TMTC1: variants seen among roughly 807,000 people sequenced by gnomAD.
TMTC1 encodes protein O-mannosyl-transferase TMTC1.
In TMTC1, 73 loss-of-function variants were observed where a neutral mutation model predicts 104.8. That is an observed-to-expected ratio of 0.70 (90% CI 0.58 to 0.85). The LOEUF (loss-of-function observed/expected upper bound fraction) is 0.85. TMTC1 is among the 40% of genes least tolerant of loss of function. The pLI is 0.00. For missense variants in TMTC1, 1,035 were observed against 1,096.1 expected (o/e 0.94, Z 0.79); for synonymous variants, 434 against 428.7 (o/e 1.01, Z -0.15).
At chr12:29,649,962 C>A (rs1939438890) in intron 5 of TMTC1, among the ~76,000 whole-genome samples, 1 of 152,162 alleles carries the variant, frequency 6.6e-6, no homozygotes, top group African/African-American at 2.4e-5. Context: ...CTAGTAAGAT[C>A]ATAAGATAAT....
intron 13 of TMTC1, among the ~76,000 whole-genome samples, chr12:29,518,086 T>C (rs577583774): frequency 1.3e-5 from 2 of 152,354 alleles, no homozygotes; most frequent in East Asian, 3.9e-4. Context: ...GACCTATCAA[T>C]ATGGAAACTG....
intron 6 of TMTC1, among the ~76,000 whole-genome samples, chr12:29,628,394 A>C (rs1938117280): frequency 6.6e-6 from 1 of 152,226 alleles, no homozygotes; most frequent in South Asian, 2.1e-4. Flanking sequence ...CCTGTAAACA[A>C]AAAATAAAAC....
chr12:29,591,149 A>T (rs1243540395), intron 7 of TMTC1, among the ~76,000 whole-genome samples: 1 of 152,228 alleles, frequency 6.6e-6, no homozygotes, highest in African/African-American at 2.4e-5. Flanking sequence ...CTTAGAGAGT[A>T]TCACATTCTT....
chr12:29,513,669 A>G (rs936751228), intron 16 of TMTC1, among the ~76,000 whole-genome samples: 1 of 152,240 alleles, frequency 6.6e-6, no homozygotes, highest in Non-Finnish European at 1.5e-5. Flanking sequence ...ATATAAGGAG[A>G]AAGTATGTAA....
intron 5 of TMTC1, among the ~76,000 whole-genome samples, chr12:29,637,681 A>G (rs998075830): frequency 6.6e-6 from 1 of 152,228 alleles, no homozygotes; most frequent in Non-Finnish European, 1.5e-5. Context: ...GAAAAAAATC[A>G]AAGTGTTTTA....
intron 7 of TMTC1, among the ~76,000 whole-genome samples, chr12:29,601,882 C>G (rs979515004): frequency 4.1e-5 from 6 of 147,502 alleles, no homozygotes; most frequent in Non-Finnish European, 8.9e-5. Context: ...GTCTCCCAGG[C>G]TGGAGTGCAG....
intron 6 of TMTC1, among the ~76,000 whole-genome samples, chr12:29,621,492 C>T (rs1341229298): frequency 6.6e-6 from 1 of 152,208 alleles, no homozygotes; most frequent in African/African-American, 2.4e-5. Context: ...TAAATATTTA[C>T]TACCTTGTTC....
intron 5 of TMTC1, among the ~76,000 whole-genome samples, chr12:29,686,711 C>T (rs976914427): frequency 6.6e-6 from 1 of 152,230 alleles, no homozygotes; most frequent in African/African-American, 2.4e-5. Flanking sequence ...TTTCAACTCA[C>T]CACTATCTTT....
chr12:29,561,288 C>A (rs910728492), intron 9 of TMTC1, among the ~76,000 whole-genome samples: 1 of 151,934 alleles, frequency 6.6e-6, no homozygotes, highest in African/African-American at 2.4e-5. Flanking sequence ...CGTCATTCAA[C>A]GTTCAGCAAA....
In TMTC1 at chr12:29,586,907, G is replaced by T. The variant is rs555466272; in HGVS notation, c.1251-3333C>A. On this transcript the variant is annotated intron_variant, in intron 7 of 17. Transcript: ENST00000539277. ...TGGTCTAAAATTCTCTTTTTTTGTT[G>T]TGTCTCTGCCAGGCTTTGGTATCAG... 1.8e-4 allele frequency among the ~76,000 whole-genome samples: 27 copies of T among 151,970 alleles called. No homozygotes were observed. In the South Asian group the frequency reaches 5.6e-3, roughly 32 times the overall value.
At chr12:29,684,420 C>A (rs1050991839) in intron 5 of TMTC1, among the ~76,000 whole-genome samples, 1 of 152,114 alleles carries the variant, frequency 6.6e-6, no homozygotes, top group African/African-American at 2.4e-5. Context: ...TGACTATATA[C>A]ATCACATTTG....
intron 7 of TMTC1, among the ~76,000 whole-genome samples, chr12:29,584,671 T>C (rs1307535482): frequency 1.3e-5 from 2 of 151,948 alleles, no homozygotes; most frequent in African/African-American, 4.8e-5. Context: ...TTCCCAGCTA[T>C]GAGTGAGAAC....
intron 1 of TMTC1, among the ~76,000 whole-genome samples, chr12:29,770,023 T>C (rs762210095): frequency 6.6e-6 from 1 of 151,894 alleles, no homozygotes; most frequent in Non-Finnish European, 1.5e-5. Context: ...ATGGTAAAAA[T>C]GGCAATAGTG....
At position 29,517,419 on chromosome 12, in the gene TMTC1, C is replaced by G. The variant is rs755720179; in HGVS notation, c.2169+8G>C. The G allele has an allele frequency of 6.2e-7, 1 of 1,613,932 alleles. No homozygotes were observed. The highest frequency in any genetic ancestry group is 2.2e-5 in the East Asian group (1 of 44,866). ...GTTGCCAGCTTCATTTTCTTTCATC[C>G]TACTCACCAGTGCCAAGCGGAGCTC... On this transcript the variant is annotated splice_region_variant and intron_variant, in intron 14 of 17. Coordinates refer to ENST00000539277, the MANE Select transcript of TMTC1 (RefSeq NM_001193451.2).
chr12:29,583,940 C>G (rs2162032), intron 7 of TMTC1, among the ~76,000 whole-genome samples: 4,164 of 152,226 alleles, frequency 0.027, 207 homozygotes, highest in African/African-American at 0.095. Context: ...CATTGTATGA[C>G]TCTATTGGCA....
chr12:29,660,329 C>T (rs1025086119), intron 5 of TMTC1, among the ~76,000 whole-genome samples: 3 of 152,154 alleles, frequency 2.0e-5, no homozygotes, highest in South Asian at 2.1e-4. Context: ...CTGGCTCAGA[C>T]GATAGCTGAA....
intron 10 of TMTC1, among the ~76,000 whole-genome samples, chr12:29,554,703 T>C (rs1251419760): frequency 6.6e-6 from 1 of 151,976 alleles, no homozygotes; most frequent in Non-Finnish European, 1.5e-5. Context: ...ACCCCACTTC[T>C]ACAAAAAATA....
intron 5 of TMTC1, among the ~76,000 whole-genome samples, chr12:29,671,117 C>T (rs1453314210): frequency 5.6e-4 from 84 of 150,956 alleles, no homozygotes; most frequent in Non-Finnish European, 2.4e-4. Context: ...CATGGTGAAA[C>T]CCCATCTCTA....
At chr12:29,567,034 G>A (rs951443107) in intron 9 of TMTC1, among the ~76,000 whole-genome samples, 3 of 152,170 alleles carry the variant, frequency 2.0e-5, no homozygotes, top group Non-Finnish European at 2.9e-5. Flanking sequence ...TGGATGCAGC[G>A]ATTGGTTGAA....
Sources: allele counts gnomAD v4.1 joint callset (sites outside exome capture counted in the v4.1 genomes callset), GRCh38; gene constraint gnomAD v4.1.1; transcripts MANE v1.5; gene names NCBI Gene and HGNC (gene_info 2026-07-23, HGNC 2026-07-21).